Variants in OR2T6 observed in about 807,000 individuals in gnomAD.
OR2T6 encodes the protein olfactory receptor family 2 subfamily T member 6.
For synonymous variants in OR2T6, 174 were observed against 148.0 expected, an observed-to-expected ratio of 1.18 and a Z score of -1.27; for missense variants, 424 against 391.6, an observed-to-expected ratio of 1.08 and a Z score of -0.70.
chr1:248,382,049 G>C (rs1190864618), intron 1 of OR2T6, among the ~76,000 whole-genome samples: 1 of 152,150 alleles, frequency 6.6e-6, no homozygotes, highest in Non-Finnish European at 1.5e-5. Context: ...AGAGCAAATG[G>C]GGGAAATGGA....
chr1:248,388,754 C>T lies in OR2T6; in HGVS notation c.*219C>T, dbSNP rs1215330449. Reference sequence around the variant, plus strand: ...ATGCCAGAGTTCTAGAAACACCACTCATGTTTATTCTTCTTTTGTTTCTAC... The same window carrying T: ...ATGCCAGAGTTCTAGAAACACCACTTATGTTTATTCTTCTTTTGTTTCTAC... On this transcript the variant is annotated 3_prime_UTR_variant, in exon 3 of 3. Transcript: ENST00000641644. The T allele has an allele frequency of 2.3e-6, 1 of 444,118 alleles. No homozygotes were observed. Among genetic ancestry groups the T allele is most frequent in the Non-Finnish European group, 3.9e-6 (1 of 253,474 alleles). 27.5% of individuals were successfully genotyped at this position (444,118 alleles called of 1,614,324 possible). A position where few individuals can be genotyped will look rare whatever the true frequency, so the allele number is the denominator to read the frequency against.
At chr1:248,385,989 T>C (rs1021982975) in intron 2 of OR2T6, among the ~76,000 whole-genome samples, 1 of 152,296 alleles carries the variant, frequency 6.6e-6, no homozygotes, top group East Asian at 1.9e-4. Context: ...GTAATGTGCA[T>C]TAGGGCACAT....
rs569718153 is a variant in OR2T6, at chr1:248,376,252, A to G, written c.-159+198A>G. On this transcript the variant is annotated intron_variant, in intron 1 of 2. Transcript: ENST00000641644. ...CAGGGAATTAGGTAAGATGATCAAA[A>G]TAATTAAATCGAATGGGATTGGAAG... Among the ~76,000 whole-genome samples, 5 of 152,352 alleles carry G rather than the reference A, an allele frequency of 3.3e-5. No individual in the cohort carries two copies. In the South Asian group the frequency reaches 8.3e-4, roughly 25 times the overall value.
chr1:248,384,932 G>A (rs1477256253), intron 2 of OR2T6, 68 bp downstream of exon 2: 5 of 152,156 alleles, frequency 3.3e-5, no homozygotes, highest in Non-Finnish European at 5.9e-5. Context: ...GAAAGGAAAA[G>A]TTTCGATTTC....
In OR2T6 at chr1:248,381,674, T is replaced by G. The variant is rs111790127; in HGVS notation, c.-158-3037T>G. Among the ~76,000 whole-genome samples, 74 of 152,234 alleles carry G rather than the reference T, an allele frequency of 4.9e-4. 1 individual carries two copies. The highest frequency in any genetic ancestry group is 1.7e-3 in the African/African-American group (70 of 41,580). ...ATATGTATCTATCTATTTCTACATA[T>G]ATATGTCTTTGTTGATAAGAATCTT... On this transcript the variant is annotated intron_variant, in intron 1 of 2. Coordinates refer to ENST00000641644, the MANE Select transcript of OR2T6 (RefSeq NM_001005471.2).
At chr1:248,381,177 T>A (rs1661023735) in intron 1 of OR2T6, among the ~76,000 whole-genome samples, 1 of 152,116 alleles carries the variant, frequency 6.6e-6, no homozygotes, top group South Asian at 2.1e-4. Context: ...TGTACACACA[T>A]ACAAACATTC....
Position 248,387,971 on chromosome 1 carries a change from C to T in OR2T6, c.363C>T (p.Asp121=). Residue 121 remains aspartate, a synonymous_variant, in exon 3 of 3, where the codon GAC becomes GAT. Transcript: ENST00000641644. ...TCCTGCTGGGGCTCATGGCCTATGA[C>T]CGCTACGTGGCCATCTGCAACCCAC... is the stretch of plus-strand genomic sequence containing the variant. The part of the protein sequence containing the change: ...EFFLLGLMAY[D]RYVAICNPLR... 1.2e-6 allele frequency: 2 copies of T among 1,608,738 alleles called. No individual in the cohort carries two copies. The highest frequency in any genetic ancestry group is 1.7e-6 in the Non-Finnish European group (2 of 1,177,326).
In OR2T6 at chr1:248,387,882, A is replaced by G. The variant is rs113128374; in HGVS notation, c.274A>G (p.Ile92Val). The G allele has an allele frequency of 4.2e-5, 67 of 1,595,970 alleles. No individual in the cohort carries two copies. The highest frequency in any genetic ancestry group is 8.4e-5 in the Admixed American group (5 of 59,236). ...LVDYLMGEGT[I>V]SFIACTAQCF... ...AGATTATCTCATGGGCGAGGGGACCATCTCTTTCATCGCCTGCACTGCTCA... is the reference window on the plus strand; with the variant it reads ...AGATTATCTCATGGGCGAGGGGACCGTCTCTTTCATCGCCTGCACTGCTCA... Residue 92 changes from isoleucine (I) to valine (V), a missense_variant, in exon 3 of 3, where the codon ATC (isoleucine) becomes GTC (valine). Coordinates refer to ENST00000641644, the MANE Select transcript of OR2T6 (RefSeq NM_001005471.2).
At chr1:248,379,983 T>C (rs1661004368) in intron 1 of OR2T6, among the ~76,000 whole-genome samples, 1 of 152,104 alleles carries the variant, frequency 6.6e-6, no homozygotes, top group Non-Finnish European at 1.5e-5. Context: ...TCATTTACAT[T>C]GGGTATATCT....
In OR2T6 at chr1:248,388,739, T is replaced by G; in HGVS notation, c.*204T>G. 2.2e-6 allele frequency: 1 copy of G among 464,564 alleles called. No homozygotes were observed. Among genetic ancestry groups the G allele is most frequent in the Non-Finnish European group, 3.8e-6 (1 of 265,386 alleles). The allele number at this position is 464,564 out of a possible 1,614,324, so 28.8% of individuals were successfully genotyped here. A position where few individuals can be genotyped will look rare whatever the true frequency, so the allele number is the denominator to read the frequency against. On this transcript the variant is annotated 3_prime_UTR_variant, in exon 3 of 3. Transcript: ENST00000641644. ...AGTCACACACAAATAATGCCAGAGT[T>G]CTAGAAACACCACTCATGTTTATTC...
Position 248,388,208 on chromosome 1 carries a change from T to C in OR2T6, c.600T>C (p.Tyr200=), listed in dbSNP as rs1661182024. The C allele has an allele frequency of 6.2e-7, 1 of 1,613,960 alleles. No individual in the cohort carries two copies. The highest frequency in any genetic ancestry group is 1.3e-5 in the African/African-American group (1 of 74,988). ...GDKTTYETVM[Y]VCCVAMLLIP... is the part of the protein sequence containing the mutation. ...AAACCACCTATGAAACAGTGATGTA[T>C]GTGTGCTGCGTTGCAATGCTGCTGA... Residue 200 remains tyrosine, a synonymous_variant, in exon 3 of 3, where the codon TAT becomes TAC. Transcript: ENST00000641644.
Position 248,388,277 on chromosome 1 carries a change from CA to C in OR2T6, c.670del (p.Thr224GlnfsTer5), listed in dbSNP as rs1350873686. 6.2e-7 allele frequency: 1 copy of C among 1,613,958 alleles called. No individual in the cohort carries two copies. Among genetic ancestry groups the C allele is most frequent in the Non-Finnish European group, 8.5e-7 (1 of 1,179,934 alleles). On this transcript the variant is annotated frameshift_variant, in exon 3 of 3. Transcript: ENST00000641644. LOFTEE classifies it low-confidence loss of function (END_TRUNC). ...VTASYTRILITVHQMTSAEGR... is the reference protein window; with the variant it reads ...VTASYTRILIXVHQMTSAEGR... ...CTGCATCCTACACCAGGATTCTCAT[CA>C]CAGTGCATCAGATGACATCGGCTGA...
chr1:248,376,550 G>T (rs569178512), intron 1 of OR2T6, among the ~76,000 whole-genome samples: 7 of 152,156 alleles, frequency 4.6e-5, no homozygotes, highest in Non-Finnish European at 8.8e-5. Flanking sequence ...GGAGTCACCA[G>T]TTGGGCATCA....
chr1:248,384,380 A>C (rs1369783977), intron 1 of OR2T6, among the ~76,000 whole-genome samples: 25 of 90,440 alleles, frequency 2.8e-4, no homozygotes, highest in African/African-American at 2.3e-3. Flanking sequence ...TGCTCATCCT[A>C]TCCTGGTGTG....
chr1:248,387,257 CTT>C (rs1661150049), intron 2 of OR2T6, among the ~76,000 whole-genome samples: 1 of 152,128 alleles, frequency 6.6e-6, no homozygotes, highest in African/African-American at 2.4e-5. Flanking sequence ...GATCAATAGT[CTT>C]TCAGTTGTAT....
intron 1 of OR2T6, among the ~76,000 whole-genome samples, chr1:248,380,896 A>G (rs1286295767): frequency 6.6e-6 from 1 of 151,760 alleles, no homozygotes; most frequent in Non-Finnish European, 1.5e-5. Context: ...TCCATTTATA[A>G]TATCACCTCA....
rs780796428 is a variant in OR2T6 at position 248,389,618 on chromosome 1, T to C, written c.*1083T>C. 1 of 152,212 alleles carries C rather than the reference T, an allele frequency of 6.6e-6. No individual in the cohort carries two copies. Among genetic ancestry groups the C allele is most frequent in the Admixed American group, 6.5e-5 (1 of 15,282 alleles). 9.4% of individuals were successfully genotyped at this position (152,212 alleles called of 1,614,324 possible). On this transcript the variant is annotated 3_prime_UTR_variant, in exon 3 of 3. Transcript: ENST00000641644. ...GCTGTTTCAATCACAAAAGCCACCA[T>C]GAGCTACATAGAGTTCCCAAGGGGG...
intron 1 of OR2T6, among the ~76,000 whole-genome samples, chr1:248,377,542 T>C (rs1252826257): frequency 6.6e-6 from 1 of 152,204 alleles, no homozygotes; most frequent in Non-Finnish European, 1.5e-5. Flanking sequence ...TAGAAACAAG[T>C]TGAAGAGGTG....
Position 248,387,676 on chromosome 1 carries a change from G to A in OR2T6, c.68G>A (p.Cys23Tyr). 6.2e-7 allele frequency: 1 copy of A among 1,613,446 alleles called. No individual in the cohort carries two copies. ...TLMGLFTHNK[C>Y]SGFFFGVICA... ...ATGGGGCTCTTCACTCACAATAAAT[G>A]CTCAGGATTCTTTTTCGGTGTCATT... The change falls in exon 3 of 3, where the codon TGC (cysteine) becomes TAC (tyrosine). Residue 23 changes from cysteine (C) to tyrosine (Y), a missense_variant. Physicochemically the swap from Cys to Tyr is radical, Grantham distance 194. Transcript: ENST00000641644.
Sources: allele counts gnomAD v4.1 joint callset (sites outside exome capture counted in the v4.1 genomes callset), GRCh38; gene constraint gnomAD v4.1.1; transcripts MANE v1.5; gene names NCBI Gene and HGNC (gene_info 2026-07-23, HGNC 2026-07-21).